The following ATP8B1 variants were observed in gnomAD, a reference collection of about 807,000 sequenced individuals.
ATP8B1 encodes the protein ATPase phospholipid transporting 8B1, also known as phospholipid-transporting ATPase IC.
In ATP8B1, 80 loss-of-function variants were observed where a neutral mutation model predicts 149.9. That is an observed-to-expected ratio of 0.53 (90% CI 0.45 to 0.64). ATP8B1 has a LOEUF of 0.64. Among genes scored for constraint, ATP8B1 ranks in the 30% least tolerant of loss-of-function variants. The pLI is 0.00. For missense variants in ATP8B1, 1,247 were observed against 1,552.6 expected (o/e 0.80, Z 3.31); for synonymous variants, 536 against 562.8 (o/e 0.95, Z 0.67).
chr18:57,762,288 G>A (rs532402802), intron 1 of ATP8B1, among the ~76,000 whole-genome samples: 4 of 151,910 alleles, frequency 2.6e-5, no homozygotes, highest in African/African-American at 9.7e-5. Context: ...ACAGGTGCCC[G>A]CCAACACGCC....
intron 25 of ATP8B1, 75 bp from the exon 26 acceptor site, chr18:57,652,247 A>G (rs895912676): frequency 6.3e-7 from 1 of 1,583,856 alleles, no homozygotes; most frequent in Non-Finnish European, 8.6e-7. Context: ...AACAATCCTG[A>G]AAACAGAATT....
Position 57,762,879 on chromosome 18 carries a change from C to T in ATP8B1, c.-25-31047G>A, listed in dbSNP as rs569030053. Among the ~76,000 whole-genome samples, 35 of 152,204 alleles carry T rather than the reference C, an allele frequency of 2.3e-4. No individual in the cohort carries two copies. In the South Asian group the frequency reaches 6.2e-3, roughly 27 times the overall value. On this transcript the variant is annotated intron_variant, in intron 1 of 27. Transcript: ENST00000648908. Reference sequence around the variant, plus strand: ...GTAATTCAAGGCTGTGTCTTTACAGCCTTGAACAATCTTTTAAAAATCTGA... The same window carrying T: ...GTAATTCAAGGCTGTGTCTTTACAGTCTTGAACAATCTTTTAAAAATCTGA...
At chr18:57,706,666 C>G (rs1913413939) in intron 2 of ATP8B1, 79 bp from the exon 3 acceptor site, 24 of 1,192,710 alleles carry the variant, frequency 2.0e-5, no homozygotes, top group Non-Finnish European at 2.8e-5. Flanking sequence ...TCCCCAGATT[C>G]AAATGTTGAA....
chr18:57,800,272 A>G (rs548082336), intron 1 of ATP8B1, among the ~76,000 whole-genome samples: 16 of 152,244 alleles, frequency 1.1e-4, no homozygotes, highest in African/African-American at 3.6e-4. Flanking sequence ...AGGCAGGAGG[A>G]TTGCTTGAGG....
intron 2 of ATP8B1, among the ~76,000 whole-genome samples, chr18:57,727,613 A>T (rs1211256451): frequency 4.0e-5 from 6 of 151,854 alleles, no homozygotes; most frequent in Non-Finnish European, 8.8e-5. Context: ...ACATGGTGAA[A>T]CTCTGTCTCT....
At chr18:57,752,226 G>GATAATA (rs61423520) in intron 1 of ATP8B1, among the ~76,000 whole-genome samples, 3 of 144,554 alleles carry the variant, frequency 2.1e-5, no homozygotes, top group South Asian at 4.4e-4. Flanking sequence ...TAATAATAAT[G>GATAATA]ATAATAATAA....
chr18:57,741,301 A>C (rs2079911807), intron 1 of ATP8B1, among the ~76,000 whole-genome samples: 1 of 152,220 alleles, frequency 6.6e-6, no homozygotes, highest in African/African-American at 2.4e-5. Flanking sequence ...TGATTAGGTT[A>C]TAAAAAACCA....
At chr18:57,725,251 T>TAAAA (rs61391603) in intron 2 of ATP8B1, among the ~76,000 whole-genome samples, 1 of 144,674 alleles carries the variant, frequency 6.9e-6, no homozygotes, top group Admixed American at 6.9e-5. Flanking sequence ...TAAAGTATAA[T>TAAAA]AAAAAAAAAA....
intron 23 of ATP8B1, 124 bp downstream of exon 23, chr18:57,655,070 A>G (rs1599071551): frequency 8.2e-6 from 7 of 857,650 alleles, no homozygotes; most frequent in South Asian, 6.0e-5. Flanking sequence ...TTATGCCCCA[A>G]CTGTAAGGAG....
chr18:57,655,045 C>T (rs1053900568), intron 23 of ATP8B1, 149 bp downstream of exon 23: 3 of 751,404 alleles, frequency 4.0e-6, no homozygotes, highest in Admixed American at 4.9e-5. Context: ...TTAGAGAAGT[C>T]ATGATCATTC....
At position 57,661,369 on chromosome 18, in the gene ATP8B1, T is replaced by G; in HGVS notation, c.2512A>C (p.Ser838Arg). ...TTCTTAGCTTCTAGCCTCCTTTTACTTTGGGTCCGCATCCGTCTTTCTTCT... is the reference window on the plus strand; with the variant it reads ...TTCTTAGCTTCTAGCCTCCTTTTACGTTGGGTCCGCATCCGTCTTTCTTCT... The part of the protein sequence containing the change: ...TEEERRMRTQ[S>R]KRRLEAKKEQ... Residue 838 changes from serine (S) to arginine (R), a missense_variant, in exon 22 of 28, where the codon AGT (serine) becomes CGT (arginine). Coordinates refer to ENST00000648908, the MANE Select transcript of ATP8B1 (RefSeq NM_001374385.1). The G allele has an allele frequency of 6.2e-7, 1 of 1,614,010 alleles. No individual in the cohort carries two copies. Among genetic ancestry groups the G allele is most frequent in the Non-Finnish European group, 8.5e-7 (1 of 1,180,010 alleles).
intron 4 of ATP8B1, among the ~76,000 whole-genome samples, 183 bp downstream of exon 4, chr18:57,704,372 C>T (rs1001207413): frequency 3.3e-5 from 5 of 152,126 alleles, no homozygotes; most frequent in African/African-American, 1.2e-4. Flanking sequence ...CCATTTGCTC[C>T]CTTTCCCTGT....
intron 1 of ATP8B1, among the ~76,000 whole-genome samples, chr18:57,753,633 A>T (rs920003810): frequency 6.6e-6 from 1 of 152,232 alleles, no homozygotes. Flanking sequence ...ATTATTTTAA[A>T]AAATGAAATA....
Position 57,695,468 on chromosome 18 carries a change from T to G in ATP8B1, c.763A>C (p.Thr255Pro). The change falls in exon 9 of 28, where the codon ACA (threonine) becomes CCA (proline). Residue 255 changes from threonine to proline, a missense_variant. Physicochemically the swap from Thr to Pro is conservative, Grantham distance 38 (BLOSUM62 -1). Transcript: ENST00000648908. ...TACAAACCATCAAATGTAGCCAATG[T>G]ATCTTCTCTTTGGAGGTACTGGTCT... ...ITDQYLQRED[T>P]LATFDGFIEC... The G allele has an allele frequency of 6.2e-7, 1 of 1,612,528 alleles. No individual in the cohort carries two copies. Among genetic ancestry groups the G allele is most frequent in the Middle Eastern group, 1.7e-4 (1 of 6,058 alleles).
chr18:57,668,321 C>T (rs1911009321), intron 19 of ATP8B1, 108 bp downstream of exon 19: 1 of 1,329,458 alleles, frequency 7.5e-7, no homozygotes, highest in African/African-American at 1.5e-5. Flanking sequence ...TCCAAAGAAA[C>T]AGTGTTTGTA....
At chr18:57,706,630 ATGT>A (rs759014096) in intron 2 of ATP8B1, 43 bp from the exon 3 acceptor site, 3 of 1,464,036 alleles carry the variant, frequency 2.0e-6, no homozygotes, top group African/African-American at 1.4e-5. Context: ...GCAAATTAAC[ATGT>A]TGTTATGAGT....
chr18:57,707,418 G>C (rs2122980685), intron 2 of ATP8B1, among the ~76,000 whole-genome samples: 1 of 148,762 alleles, frequency 6.7e-6, no homozygotes, highest in East Asian at 1.9e-4. Flanking sequence ...GAGAGAACTA[G>C]GTGTTGATGA....
Position 57,661,277 on chromosome 18 carries a change from G to C in ATP8B1, c.2604C>G (p.Val868=). 6.2e-7 allele frequency: 1 copy of C among 1,613,958 alleles called. No homozygotes were observed. Among genetic ancestry groups the C allele is most frequent in the Non-Finnish European group, 8.5e-7 (1 of 1,180,010 alleles). Residue 868 remains valine, a synonymous_variant, in exon 22 of 28, where the codon GTC becomes GTG. Coordinates refer to ENST00000648908, the MANE Select transcript of ATP8B1 (RefSeq NM_001374385.1). ...CECSAVICCR[V]TPKQKAMVVD... ...CCACCATGGCCTTCTGCTTGGGGGT[G>C]ACGCGGCAGCAGATGACTGCGCTGC...
rs71171066 is a variant in ATP8B1, at chr18:57,680,277, CAAAAAAAAAAAAAAAAAAA to C, written c.1630+3740_1630+3758del. On this transcript the variant is annotated intron_variant, in intron 15 of 27. Coordinates refer to ENST00000648908, the MANE Select transcript of ATP8B1 (RefSeq NM_001374385.1). ...GGGCAACAGGAGCGAGACTCAGTCT[CAAAAAAAAAAAAAAAAAAA>C]AAAAAAGACTGGGTGTGGTGGCTCA... 1.1e-3 allele frequency among the ~76,000 whole-genome samples: 46 copies of C among 40,452 alleles called. 2 individuals carry two copies. The East Asian group carries it at 0.058, about 51-fold the overall frequency. 26.5% of individuals were successfully genotyped at this position (40,452 alleles called of 152,430 possible). A position where few individuals can be genotyped will look rare whatever the true frequency, so the allele number is the denominator to read the frequency against.
Sources: allele counts gnomAD v4.1 joint callset (sites outside exome capture counted in the v4.1 genomes callset), GRCh38; gene constraint gnomAD v4.1.1; transcripts MANE v1.5; gene names NCBI Gene and HGNC (gene_info 2026-07-23, HGNC 2026-07-21).